DLEU7: variants seen among roughly 807,000 people sequenced by gnomAD.
The protein encoded by DLEU7 is leukemia-associated protein 7.
DLEU7 carries 17 observed loss-of-function variants against 16.0 expected under a neutral mutation model. The ratio of observed to expected loss-of-function variants is 1.06; its 90% CI spans 0.73 to 1.59. The LOEUF is 1.59. Ranked by LOEUF, DLEU7 falls within the 40% of genes most tolerant of loss-of-function variation. DLEU7 has a pLI of 0.00. For missense variants in DLEU7, 308 were observed against 314.9 expected (o/e 0.98, Z 0.17); for synonymous variants, 113 against 139.8 (o/e 0.81, Z 1.35).
Position 50,740,672 on chromosome 13 carries a change from G to A in DLEU7, c.460-27432C>T, listed in dbSNP as rs185374225. Reference sequence around the variant, plus strand: ...GTTCTAAAGGAAGCCTATATGAGGCGATAGTCTCAAATATAGAAACATATA... The same window carrying A: ...GTTCTAAAGGAAGCCTATATGAGGCAATAGTCTCAAATATAGAAACATATA... On this transcript the variant is annotated intron_variant, in intron 1 of 1. Transcript: ENST00000400393. Among the ~76,000 whole-genome samples, 201 of 152,198 alleles carry A rather than the reference G, an allele frequency of 1.3e-3. 1 individual carries two copies. The highest frequency in any genetic ancestry group is 6.8e-3 in the Middle Eastern group (2 of 294).
downstream of DLEU7, chr13:50,711,772 C>CCGGGGGGGGGGGGGGG: frequency 2.5e-4 from 18 of 72,882 alleles, 1 homozygote; most frequent in Admixed American, 4.3e-4. Flanking sequence ...GACCCAGTGG[C>CCGGGGGGGGGGGGGGG]GGGGGCGGGG....
intron 1 of DLEU7, among the ~76,000 whole-genome samples, chr13:50,786,423 A>G (rs570700490): frequency 2.0e-5 from 3 of 152,336 alleles, no homozygotes; most frequent in Non-Finnish European, 2.9e-5. Flanking sequence ...ACTATACAAC[A>G]TTAATACAAT....
At chr13:50,787,786 C>T (rs1253628730) in intron 1 of DLEU7, among the ~76,000 whole-genome samples, 1 of 151,966 alleles carries the variant, frequency 6.6e-6, no homozygotes, top group African/African-American at 2.4e-5. Context: ...TCCCCACAGA[C>T]CAGTTCCACC....
intron 1 of DLEU7, among the ~76,000 whole-genome samples, chr13:50,776,303 A>C (rs1875492172): frequency 6.6e-6 from 1 of 152,208 alleles, no homozygotes. Flanking sequence ...GGTGAAGGGT[A>C]CTGCCTTCCA....
chr13:50,712,045 G>A (rs144948147), exon 2 of DLEU7: 3 of 152,282 alleles, frequency 2.0e-5, no homozygotes, highest in Non-Finnish European at 4.4e-5. Flanking sequence ...AGGGAGACCT[G>A]AGTACAAACA....
intron 1 of DLEU7, among the ~76,000 whole-genome samples, chr13:50,799,412 C>T (rs1876189159): frequency 6.6e-6 from 1 of 152,160 alleles, no homozygotes; most frequent in South Asian, 2.1e-4. Flanking sequence ...CTCTATTCCA[C>T]TTTGGTCCAT....
chr13:50,795,797 A>C (rs1876093439), intron 1 of DLEU7, among the ~76,000 whole-genome samples: 1 of 152,200 alleles, frequency 6.6e-6, no homozygotes. Flanking sequence ...GATTAGGTAC[A>C]TAAACTGGAA....
At chr13:50,790,693 G>A (rs1343972973) in intron 1 of DLEU7, among the ~76,000 whole-genome samples, 1 of 152,094 alleles carries the variant, frequency 6.6e-6, no homozygotes, top group South Asian at 2.1e-4. Flanking sequence ...GCTGGGGTAG[G>A]AAGAGGACTC....
chr13:50,792,929 T>C (rs1876005637), intron 1 of DLEU7, among the ~76,000 whole-genome samples: 1 of 152,032 alleles, frequency 6.6e-6, no homozygotes, highest in Non-Finnish European at 1.5e-5. Context: ...TTACAAATTA[T>C]ATTGTGTGAT....
At chr13:50,727,494 G>A (rs535909193) in intron 1 of DLEU7, among the ~76,000 whole-genome samples, 16 of 152,224 alleles carry the variant, frequency 1.1e-4, no homozygotes, top group Admixed American at 3.9e-4. Flanking sequence ...CTTTGCCACC[G>A]AGTTGTTCAT....
Position 50,792,192 on chromosome 13 carries a change from C to T in DLEU7, c.459+50996G>A, listed in dbSNP as rs984909107. Among the ~76,000 whole-genome samples the T allele has an allele frequency of 1.1e-4, 17 of 152,254 alleles. No homozygotes were observed. The South Asian group carries it at 1.5e-3, about 13-fold the overall frequency. ...AACATGAGTTTTCTGTTTTCTTCAT[C>T]GATGCCAGTATTTTGTGTCAAATCA... On this transcript the variant is annotated intron_variant, in intron 1 of 1. Coordinates refer to the DLEU7 transcript ENST00000400393.
At chr13:50,722,081 GC>G (rs2137707691) in intron 1 of DLEU7, among the ~76,000 whole-genome samples, 1 of 152,278 alleles carries the variant, frequency 6.6e-6, no homozygotes, top group South Asian at 2.1e-4. Flanking sequence ...TGTGAGAATG[GC>G]CCCGTTTCTT....
intron 1 of DLEU7, among the ~76,000 whole-genome samples, chr13:50,781,681 G>A (rs967857081): frequency 2.0e-5 from 3 of 152,084 alleles, no homozygotes; most frequent in Non-Finnish European, 4.4e-5. Flanking sequence ...CCATGATCTA[G>A]ACCACGCCTG....
chr13:50,786,836 T>C (rs542421665), intron 1 of DLEU7, among the ~76,000 whole-genome samples: 5 of 152,278 alleles, frequency 3.3e-5, no homozygotes, highest in South Asian at 4.2e-4. Context: ...TAGGATAAGA[T>C]TGCCAGGTTA....
At chr13:50,784,949 G>A (rs1875759265) in intron 1 of DLEU7, among the ~76,000 whole-genome samples, 3 of 152,160 alleles carry the variant, frequency 2.0e-5, no homozygotes, top group South Asian at 4.1e-4. Flanking sequence ...GGGACTTCTT[G>A]TTCTTCTCTA....
downstream of DLEU7, chr13:50,822,712 G>A: frequency 1.0e-6 from 1 of 985,162 alleles, no homozygotes; most frequent in South Asian, 4.7e-5. Flanking sequence ...ATCACTTTAA[G>A]TTTTTAAATT....
intron 1 of DLEU7, among the ~76,000 whole-genome samples, chr13:50,798,028 G>A (rs373486892): frequency 2.0e-5 from 3 of 152,302 alleles, no homozygotes; most frequent in African/African-American, 7.2e-5. Flanking sequence ...TTAAGCAATT[G>A]TACAGAAGAG....
chr13:50,765,135 A>T (rs769882420), intron 1 of DLEU7, among the ~76,000 whole-genome samples: 18 of 152,098 alleles, frequency 1.2e-4, no homozygotes, highest in Non-Finnish European at 2.1e-4. Flanking sequence ...CACCTATCTC[A>T]GCCTCCCAAA....
intron 1 of DLEU7, among the ~76,000 whole-genome samples, chr13:50,716,088 G>A (rs1050031151): frequency 4.6e-5 from 7 of 152,228 alleles, no homozygotes; most frequent in Non-Finnish European, 7.3e-5. Context: ...TGGCATAAAT[G>A]TTAGATCAAC....
Sources: allele counts gnomAD v4.1 joint callset (sites outside exome capture counted in the v4.1 genomes callset), GRCh38; gene constraint gnomAD v4.1.1; transcripts MANE v1.5; gene names NCBI Gene and HGNC (gene_info 2026-07-23, HGNC 2026-07-21).